The following TMEM123 variants were observed in gnomAD, a reference collection of about 807,000 sequenced individuals.
The protein encoded by TMEM123 is transmembrane protein 123, also known as porimin.
In TMEM123, 16 loss-of-function variants were observed where a neutral mutation model predicts 19.7. The observed-to-expected ratio is 0.81, with a 90% CI of 0.55 to 1.23. TMEM123 has a LOEUF of 1.23. Among genes scored for constraint, TMEM123 ranks in the 50% most tolerant of loss-of-function variants. The pLI is 0.00. For missense variants in TMEM123, 313 were observed against 257.8 expected, an observed-to-expected ratio of 1.21 and a Z score of -1.47; for synonymous variants, 118 against 99.4, an observed-to-expected ratio of 1.19 and a Z score of -1.12.
chr11:102,446,751 C>T (rs1215333015), intron 2 of TMEM123, among the ~76,000 whole-genome samples: 1 of 152,146 alleles, frequency 6.6e-6, no homozygotes, highest in Non-Finnish European at 1.5e-5. Flanking sequence ...CGTGGTGAGT[C>T]CTATAAAAGT....
intron 4 of TMEM123, among the ~76,000 whole-genome samples, chr11:102,400,967 G>A (rs1472079460): frequency 6.6e-6 from 1 of 152,180 alleles, no homozygotes; most frequent in Admixed American, 6.5e-5. Flanking sequence ...CAAACCATCA[G>A]ACCTATAGAG....
At chr11:102,439,239 G>C (rs1175424960) in intron 2 of TMEM123, among the ~76,000 whole-genome samples, 2 of 152,130 alleles carry the variant, frequency 1.3e-5, no homozygotes, top group Non-Finnish European at 2.9e-5. Context: ...GCTTTGAAGA[G>C]AGCAGTGGTT....
At position 102,425,562 on chromosome 11, in the gene TMEM123, GTTTT is replaced by G. The variant is rs796386801; in HGVS notation, c.157+23246_157+23249del. Among the ~76,000 whole-genome samples, 4 of 118,128 alleles carry G rather than the reference GTTTT, an allele frequency of 3.4e-5. No individual in the cohort carries two copies. The East Asian group carries it at 9.5e-4, about 28-fold the overall frequency. 77.5% of individuals were successfully genotyped at this position (118,128 alleles called of 152,430 possible). A position where few individuals can be genotyped will look rare whatever the true frequency, so the allele number is the denominator to read the frequency against. ...GTCAAGCACTGTTTCCTCCAGGATT[GTTTT>G]TTTTTTTTTCTTTTTTCTTTTTTTT... On this transcript the variant is annotated intron_variant, in intron 2 of 4. Transcript: ENST00000398136.
chr11:102,411,089 T>G (rs1471947879), intron 2 of TMEM123, among the ~76,000 whole-genome samples: 1 of 152,152 alleles, frequency 6.6e-6, no homozygotes, highest in East Asian at 1.9e-4. Context: ...TGCTCAAACC[T>G]GAGTTTTTGG....
At chr11:102,402,586 A>G (rs1333848893) in intron 2 of TMEM123, among the ~76,000 whole-genome samples, 4 of 152,234 alleles carry the variant, frequency 2.6e-5, no homozygotes, top group Admixed American at 2.0e-4. Context: ...TGGATAAACT[A>G]ATGAATATAA....
chr11:102,415,550 T>G (rs1365446639), intron 2 of TMEM123, among the ~76,000 whole-genome samples: 1 of 152,106 alleles, frequency 6.6e-6, no homozygotes, highest in Non-Finnish European at 1.5e-5. Flanking sequence ...TTAAAGGAAA[T>G]TAAACAATCT....
rs138824129 is a variant in TMEM123 at position 102,432,945 on chromosome 11, G to A, written c.157+15867C>T. Among the ~76,000 whole-genome samples, 134 of 148,744 alleles carry A rather than the reference G, an allele frequency of 9.0e-4. 3 individuals are homozygous for A. In the East Asian group the frequency reaches 0.023, roughly 26 times the overall value. ...GTGTTGAGCCTGTGGGTGCACAGAA[G>A]TCAAGAATTGAGGTTTGGGAACCTC... On this transcript the variant is annotated intron_variant, in intron 2 of 4. Transcript: ENST00000398136.
intron 2 of TMEM123, among the ~76,000 whole-genome samples, chr11:102,444,258 T>C (rs1165928794): frequency 6.6e-6 from 1 of 152,204 alleles, no homozygotes; most frequent in Non-Finnish European, 1.5e-5. Flanking sequence ...GTGTGTTTAT[T>C]GTGGCACTAT....
chr11:102,428,792 A>C (rs570516657), intron 2 of TMEM123, among the ~76,000 whole-genome samples: 1 of 152,186 alleles, frequency 6.6e-6, no homozygotes, highest in Non-Finnish European at 1.5e-5. Flanking sequence ...GCTCATCAAG[A>C]ATAGGCTATA....
chr11:102,450,699 T>C (rs1040601258), intron 1 of TMEM123, among the ~76,000 whole-genome samples: 1 of 152,218 alleles, frequency 6.6e-6, no homozygotes, highest in African/African-American at 2.4e-5. Context: ...AAACCAAACA[T>C]GTATTAATTG....
chr11:102,408,879 C>T (rs1051596348), intron 2 of TMEM123, among the ~76,000 whole-genome samples: 1 of 152,204 alleles, frequency 6.6e-6, no homozygotes, highest in Non-Finnish European at 1.5e-5. Context: ...CACCATATTG[C>T]AACAAGGCCA....
intron 2 of TMEM123, among the ~76,000 whole-genome samples, chr11:102,433,348 G>A (rs1402651671): frequency 1.3e-5 from 2 of 151,966 alleles, no homozygotes; most frequent in Non-Finnish European, 2.9e-5. Flanking sequence ...AGAGTCATAG[G>A]AAATCATTTT....
chr11:102,408,737 T>C (rs1951977328), intron 2 of TMEM123, among the ~76,000 whole-genome samples: 1 of 152,214 alleles, frequency 6.6e-6, no homozygotes, highest in Admixed American at 6.5e-5. Context: ...CGAGCTCCCA[T>C]GGTTACCGTA....
intron 2 of TMEM123, among the ~76,000 whole-genome samples, chr11:102,435,951 G>A (rs1427955817): frequency 6.6e-6 from 1 of 151,728 alleles, no homozygotes; most frequent in Non-Finnish European, 1.5e-5. Flanking sequence ...ACTTGACTGT[G>A]GTGATGGTTA....
chr11:102,438,622 G>A (rs1379831872), intron 2 of TMEM123, among the ~76,000 whole-genome samples: 1 of 152,200 alleles, frequency 6.6e-6, no homozygotes, highest in East Asian at 1.9e-4. Flanking sequence ...CCAGCAACGG[G>A]TTCCAAGATG....
chr11:102,436,410 G>A (rs909995179), intron 2 of TMEM123, among the ~76,000 whole-genome samples: 17 of 151,846 alleles, frequency 1.1e-4, no homozygotes, highest in African/African-American at 3.9e-4. Context: ...TGATCCGCCC[G>A]CCTCAGCCTC....
chr11:102,399,399 C>T (rs1291966679), intron 4 of TMEM123, among the ~76,000 whole-genome samples: 3 of 152,176 alleles, frequency 2.0e-5, no homozygotes, highest in African/African-American at 7.2e-5. Flanking sequence ...GACCCGTGAT[C>T]GCACCACTGC....
chr11:102,438,691 G>A (rs981349172), intron 2 of TMEM123, among the ~76,000 whole-genome samples: 1 of 152,218 alleles, frequency 6.6e-6, no homozygotes, highest in Non-Finnish European at 1.5e-5. Flanking sequence ...GAAGATAGGT[G>A]GATTTCTGCA....
intron 2 of TMEM123, among the ~76,000 whole-genome samples, chr11:102,430,741 G>GATGGCGTTAA (rs1398728757): frequency 6.6e-6 from 1 of 152,192 alleles, no homozygotes; most frequent in Non-Finnish European, 1.5e-5. Flanking sequence ...TAACCCATGA[G>GATGGCGTTAA]ATGGCTATAC....
Sources: allele counts gnomAD v4.1 joint callset (sites outside exome capture counted in the v4.1 genomes callset), GRCh38; gene constraint gnomAD v4.1.1; transcripts MANE v1.5; gene names NCBI Gene and HGNC (gene_info 2026-07-23, HGNC 2026-07-21).